RFTN1: variants seen among roughly 807,000 people sequenced by gnomAD.
The protein encoded by RFTN1 is raftlin.
In RFTN1, 26 loss-of-function variants were observed where a neutral mutation model predicts 46.5. The observed-to-expected ratio is 0.56, with a 90% CI of 0.41 to 0.78. The LOEUF is 0.78. RFTN1 is among the 30% of genes least tolerant of loss of function. The pLI is 0.00. For synonymous variants in RFTN1, 261 were observed against 284.2 expected, an observed-to-expected ratio of 0.92 and a Z score of 0.82; for missense variants, 693 against 718.7, an observed-to-expected ratio of 0.96 and a Z score of 0.41.
chr3:16,378,181 TC>T (rs1559307485), intron 4 of RFTN1, 79 bp from the exon 5 acceptor site: 2 of 1,272,742 alleles, frequency 1.6e-6, no homozygotes, highest in South Asian at 2.8e-5. Flanking sequence ...GCAAAGCGCC[TC>T]CCCGAGGCCT....
chr3:16,417,176 AT>A (rs985343106), intron 3 of RFTN1, among the ~76,000 whole-genome samples: 195 of 143,878 alleles, frequency 1.4e-3, no homozygotes, highest in Middle Eastern at 3.5e-3. Context: ...TGTCTGGCTA[AT>A]TTTTTTTTTT....
At position 16,507,212 on chromosome 3, in the gene RFTN1, G is replaced by T. The variant is rs1192460529; in HGVS notation, c.-9+6230C>A. On this transcript the variant is annotated intron_variant, in intron 1 of 9. Transcript: ENST00000334133. The surrounding 1 kb of genome is among the most constrained non-coding windows in gnomAD (Gnocchi z 7.1). ...AGAAAGAGCAGTATAAATATTAACCGTTTTAGTACTCTACTGGGATTACTT... is the reference window on the plus strand; with the variant it reads ...AGAAAGAGCAGTATAAATATTAACCTTTTTAGTACTCTACTGGGATTACTT... Among the ~76,000 whole-genome samples, 1 of 152,080 alleles carries T rather than the reference G, an allele frequency of 6.6e-6. No individual in the cohort carries two copies. Among genetic ancestry groups the T allele is most frequent in the Non-Finnish European group, 1.5e-5 (1 of 68,022 alleles).
At chr3:16,437,039 T>C (rs11715118) in intron 2 of RFTN1, among the ~76,000 whole-genome samples, 21,751 of 152,268 alleles carry the variant, frequency 0.14, 1,759 homozygotes, top group East Asian at 0.22. Flanking sequence ...CAAGTTCCCA[T>C]GCAAGAAACT....
At position 16,353,978 on chromosome 3, in the gene RFTN1, TA is replaced by T. The variant is rs372270314; in HGVS notation, c.1146+3953del. ...ACTAAGACATCCATTGAATAGGAAA[TA>T]GGGGTAGAGCCTGGATAGCTGTGTT... On this transcript the variant is annotated intron_variant, in intron 7 of 9. Coordinates refer to ENST00000334133, the MANE Select transcript of RFTN1 (RefSeq NM_015150.2). This position sits in a 1 kb window ranked among gnomAD's most constrained non-coding sequence, Gnocchi z 5.4. Among the ~76,000 whole-genome samples, 24 of 152,276 alleles carry T rather than the reference TA, an allele frequency of 1.6e-4. No individual in the cohort carries two copies. Among genetic ancestry groups the T allele is most frequent in the African/African-American group, 5.8e-4 (24 of 41,556 alleles).
chr3:16,319,165 G>A (rs1226764955), intron 9 of RFTN1, among the ~76,000 whole-genome samples: 1 of 152,110 alleles, frequency 6.6e-6, no homozygotes, highest in Non-Finnish European at 1.5e-5. Context: ...AAAACAGTCA[G>A]AGCCTCTTCA....
In RFTN1 at chr3:16,407,164, C is replaced by T. The variant is rs2074878917; in HGVS notation, c.441+2211G>A. On this transcript the variant is annotated intron_variant, in intron 4 of 9. Transcript: ENST00000334133. This position sits in a 1 kb window ranked among gnomAD's most constrained non-coding sequence, Gnocchi z 4.0. The stretch of plus-strand genomic sequence containing the variant: ...ACCTAATTTGGTTAAGACAAAGTCA[C>T]CAACTCATATCAACTCATATGTTTT... 6.6e-6 allele frequency among the ~76,000 whole-genome samples: 1 copy of T among 152,126 alleles called. No homozygotes were observed. Among genetic ancestry groups the T allele is most frequent in the Non-Finnish European group, 1.5e-5 (1 of 68,028 alleles).
intron 2 of RFTN1, 86 bp downstream of exon 2, chr3:16,493,639 C>A (rs1172822766): frequency 5.2e-6 from 6 of 1,156,252 alleles, no homozygotes; most frequent in South Asian, 1.5e-5. Context: ...CCCACCCCAT[C>A]CAGCTCTCCA....
In RFTN1 at chr3:16,327,761, C is replaced by CA. The variant is rs35510968; in HGVS notation, c.1147-886dup. ...GGGTGACAGAGCGGGATTCCCATCT[C>CA]AAAAAAAAAAACAAAACGAAAAAAA... On this transcript the variant is annotated intron_variant, in intron 7 of 9. Transcript: ENST00000334133. The surrounding 1 kb of genome is among the most constrained non-coding windows in gnomAD (Gnocchi z 4.2). 6.1e-4 allele frequency among the ~76,000 whole-genome samples: 89 copies of CA among 145,630 alleles called. No homozygotes were observed. The highest frequency in any genetic ancestry group is 2.4e-3 in the South Asian group (11 of 4,498).
intron 4 of RFTN1, among the ~76,000 whole-genome samples, chr3:16,378,798 C>T (rs535486010): frequency 1.1e-4 from 5 of 46,756 alleles, no homozygotes; most frequent in Non-Finnish European, 2.1e-4. Context: ...AGTCCTGGTC[C>T]ACACCATCAG....
chr3:16,375,485 C>A (rs530070225), intron 5 of RFTN1, among the ~76,000 whole-genome samples: 35 of 152,084 alleles, frequency 2.3e-4, no homozygotes, highest in African/African-American at 7.0e-4. Flanking sequence ...AAGAAGGACA[C>A]AGAATAGGGC....
rs1214373867 is a variant in RFTN1, at chr3:16,321,587, G to A, written c.1332+1789C>T. 2.6e-5 allele frequency among the ~76,000 whole-genome samples: 4 copies of A among 152,144 alleles called. No individual in the cohort carries two copies. The highest frequency in any genetic ancestry group is 7.2e-5 in the African/African-American group (3 of 41,426). On this transcript the variant is annotated intron_variant, in intron 9 of 9. Transcript: ENST00000334133. The surrounding 1 kb of genome is among the most constrained non-coding windows in gnomAD (Gnocchi z 4.8). ...TTCTTCCAAGGAGTCTGGCTGTGAA[G>A]CCCCCCTCTCTGGAGGACTCCCATC...
intron 4 of RFTN1, among the ~76,000 whole-genome samples, chr3:16,401,868 C>T (rs2074611569): frequency 6.6e-6 from 1 of 152,200 alleles, no homozygotes; most frequent in Admixed American, 6.5e-5. Flanking sequence ...ATATTTCCAC[C>T]AGGCATCAGA....
intron 7 of RFTN1, among the ~76,000 whole-genome samples, chr3:16,333,632 C>CA (rs1193900585): frequency 2.7e-5 from 4 of 150,038 alleles, no homozygotes; most frequent in Non-Finnish European, 5.9e-5. Flanking sequence ...ATCCAGAAAC[C>CA]AAAAAATAAA....
In RFTN1 at chr3:16,421,874, C is replaced by T. The variant is rs1016348805; in HGVS notation, c.332+11977G>A. 1.3e-5 allele frequency among the ~76,000 whole-genome samples: 2 copies of T among 152,182 alleles called. No individual in the cohort carries two copies. Among genetic ancestry groups the T allele is most frequent in the African/African-American group, 4.8e-5 (2 of 41,440 alleles). On this transcript the variant is annotated intron_variant, in intron 3 of 9. Coordinates refer to ENST00000334133, the MANE Select transcript of RFTN1 (RefSeq NM_015150.2). The surrounding 1 kb of genome is among the most constrained non-coding windows in gnomAD (Gnocchi z 4.6). ...AAAAGCGATCCACTAATTCACCTTA[C>T]TGAGATCTCAGCTGAAAGTGCTTCC...
intron 3 of RFTN1, among the ~76,000 whole-genome samples, chr3:16,420,643 A>G (rs2075166753): frequency 6.6e-6 from 1 of 152,232 alleles, no homozygotes; most frequent in African/African-American, 2.4e-5. Flanking sequence ...ATATCTGTAC[A>G]GTCCAGTAAA....
chr3:16,379,463 C>A (rs2435164), intron 4 of RFTN1, among the ~76,000 whole-genome samples: 1 of 151,840 alleles, frequency 6.6e-6, no homozygotes, highest in Admixed American at 6.5e-5. Context: ...TTCAATGATG[C>A]TGCATGGTAT....
chr3:16,413,827 C>T lies in RFTN1; in HGVS notation c.333-4344G>A, dbSNP rs980292650. On this transcript the variant is annotated intron_variant, in intron 3 of 9. Transcript: ENST00000334133. The surrounding 1 kb of genome is among the most constrained non-coding windows in gnomAD (Gnocchi z 4.7). Reference sequence around the variant, plus strand: ...AATAGATTTATTAGTTAGAGGCTACCGGTGTTAGAGCTAACTAGAGGCAGG... The same window carrying T: ...AATAGATTTATTAGTTAGAGGCTACTGGTGTTAGAGCTAACTAGAGGCAGG... Among the ~76,000 whole-genome samples the T allele has an allele frequency of 7.9e-5, 12 of 152,118 alleles. No individual in the cohort carries two copies. Among genetic ancestry groups the T allele is most frequent in the South Asian group, 2.1e-4 (1 of 4,828 alleles).
intron 1 of RFTN1, among the ~76,000 whole-genome samples, chr3:16,496,268 A>G (rs2076625015): frequency 6.6e-6 from 1 of 152,278 alleles, no homozygotes; most frequent in African/African-American, 2.4e-5. Context: ...AGGCAGAGTC[A>G]GGAAGAGATG....
chr3:16,355,502 G>A (rs1310545208), intron 7 of RFTN1, among the ~76,000 whole-genome samples: 1 of 152,218 alleles, frequency 6.6e-6, no homozygotes, highest in Non-Finnish European at 1.5e-5. Context: ...AAAAGGGGAG[G>A]CAGTGGTCTG....
Sources: allele counts gnomAD v4.1 joint callset (sites outside exome capture counted in the v4.1 genomes callset), GRCh38; gene constraint gnomAD v4.1.1; non-coding constraint Gnocchi (gnomAD v3.1); transcripts MANE v1.5; gene names NCBI Gene and HGNC (gene_info 2026-07-23, HGNC 2026-07-21).